The following HCRTR2 variants were observed in gnomAD, a reference collection of about 807,000 sequenced individuals.
HCRTR2 encodes hypocretin receptor 2, also known as orexin receptor type 2.
HCRTR2 carries 22 observed loss-of-function variants against 49.0 expected under a neutral mutation model. That is an observed-to-expected ratio of 0.45 (90% CI 0.32 to 0.64). The LOEUF (loss-of-function observed/expected upper bound fraction) is 0.64. Among genes scored for constraint, HCRTR2 ranks in the 30% least tolerant of loss-of-function variants. The probability of loss-of-function intolerance (pLI) is 0.04; values close to 1 mark genes in which losing one functional copy is unlikely to be tolerated. For synonymous variants in HCRTR2, 236 were observed against 205.3 expected, an observed-to-expected ratio of 1.15 and a Z score of -1.28; for missense variants, 491 against 559.4, an observed-to-expected ratio of 0.88 and a Z score of 1.23.
chr6:55,167,978 T>G (rs2127265826), intron 1 of HCRTR2, among the ~76,000 whole-genome samples: 1 of 152,306 alleles, frequency 6.6e-6, no homozygotes, highest in Admixed American at 6.5e-5. Flanking sequence ...TCCAGGAATT[T>G]CCTTGGTGTT....
Position 55,157,618 on chromosome 6 carries a change from GCCCAAGGGTGGTAA to G in HCRTR2, c.-377-16590_-377-16577del, listed in dbSNP as rs374139971. Reference sequence around the variant, plus strand: ...TTGGCTTCTAGTTTGACCCAGCACAGCCCAAGGGTGGTAACCACATGGGTGCTTGTGTCACCCCT... The same window carrying G: ...TTGGCTTCTAGTTTGACCCAGCACAGCCACATGGGTGCTTGTGTCACCCCT... On this transcript the variant is annotated intron_variant, in intron 1 of 7. Transcript: ENST00000615358. Among the ~76,000 whole-genome samples, 733 of 152,308 alleles carry G rather than the reference GCCCAAGGGTGGTAA, an allele frequency of 4.8e-3. 7 individuals carry two copies. Among genetic ancestry groups the G allele is most frequent in the African/African-American group, 0.016 (685 of 41,578 alleles).
intron 1 of HCRTR2, among the ~76,000 whole-genome samples, chr6:55,129,843 T>G (rs1010311364): frequency 5.9e-5 from 9 of 152,008 alleles, no homozygotes; most frequent in African/African-American, 2.2e-4. Context: ...AAGATGACAT[T>G]CAAATTTCTA....
downstream of HCRTR2, among the ~76,000 whole-genome samples, chr6:55,283,349 C>A (rs78731603): frequency 9.6e-3 from 1,465 of 152,084 alleles, 28 homozygotes; most frequent in African/African-American, 0.032. Context: ...ATCTGGGGGA[C>A]AATTCTTGGT....
chr6:55,168,728 G>C (rs914545200), intron 1 of HCRTR2, among the ~76,000 whole-genome samples: 2 of 145,842 alleles, frequency 1.4e-5, no homozygotes, highest in African/African-American at 2.5e-5. Context: ...ACCATGCCTG[G>C]GTAATTTTTT....
At chr6:55,282,116 C>T in intron 6 of HCRTR2, 109 bp from the exon 7 acceptor site, 1 of 764,726 alleles carries the variant, frequency 1.3e-6, no homozygotes, top group South Asian at 1.5e-5. Flanking sequence ...CAAAATATTA[C>T]ACCTCATTGT....
intron 4 of HCRTR2, among the ~76,000 whole-genome samples, chr6:55,271,955 G>A (rs1466059611): frequency 6.6e-6 from 1 of 152,058 alleles, no homozygotes; most frequent in Non-Finnish European, 1.5e-5. Flanking sequence ...AAACAGTTTG[G>A]TAGTTCCTTA....
intron 1 of HCRTR2, among the ~76,000 whole-genome samples, chr6:55,216,607 C>CT: frequency 6.6e-6 from 1 of 151,860 alleles, no homozygotes; most frequent in Non-Finnish European, 1.5e-5. Flanking sequence ...AAAGAATACT[C>CT]TTTTTTGGGT....
chr6:55,119,942 T>G (rs1764172726), intron 1 of HCRTR2, among the ~76,000 whole-genome samples: 1 of 152,124 alleles, frequency 6.6e-6, no homozygotes, highest in Non-Finnish European at 1.5e-5. Context: ...TGAGTTGATT[T>G]TTGTATAAGG....
intron 1 of HCRTR2, among the ~76,000 whole-genome samples, chr6:55,158,743 A>T (rs1418905756): frequency 6.6e-5 from 10 of 152,186 alleles, no homozygotes; most frequent in Admixed American, 6.5e-5. Context: ...TATAGCCAGA[A>T]TGCCTCTCTA....
chr6:55,212,794 A>C (rs1765719754), intron 1 of HCRTR2, among the ~76,000 whole-genome samples: 6 of 152,208 alleles, frequency 3.9e-5, no homozygotes. Flanking sequence ...TTTGTAAACA[A>C]ACATATCATA....
intron 1 of HCRTR2, among the ~76,000 whole-genome samples, chr6:55,201,369 C>A (rs1291451275): frequency 6.6e-6 from 1 of 152,000 alleles, no homozygotes; most frequent in Non-Finnish European, 1.5e-5. Context: ...TTAAGTCATG[C>A]TCATGATTCT....
At chr6:55,160,537 T>A (rs910057363) in intron 1 of HCRTR2, among the ~76,000 whole-genome samples, 4 of 152,202 alleles carry the variant, frequency 2.6e-5, no homozygotes, top group Admixed American at 6.5e-5. Flanking sequence ...AGACACAGAC[T>A]GGCAAATTGG....
At chr6:55,210,570 C>T (rs1008768148) in intron 1 of HCRTR2, among the ~76,000 whole-genome samples, 2 of 152,040 alleles carry the variant, frequency 1.3e-5, no homozygotes, top group African/African-American at 4.8e-5. Context: ...GAAACCCAGT[C>T]CACAGGGAGA....
chr6:55,260,679 T>C (rs1001108856), intron 3 of HCRTR2, among the ~76,000 whole-genome samples: 4 of 152,102 alleles, frequency 2.6e-5, no homozygotes, highest in African/African-American at 9.7e-5. Flanking sequence ...AGCATGAATA[T>C]GGAGAAAATT....
At chr6:55,283,053 T>C (rs1330527704), downstream of HCRTR2, among the ~76,000 whole-genome samples, 2 of 152,226 alleles carry the variant, frequency 1.3e-5, no homozygotes, top group Non-Finnish European at 2.9e-5. Context: ...TGACCATTGC[T>C]AACATTTCTT....
At chr6:55,205,153 G>A (rs1357938398) in intron 1 of HCRTR2, among the ~76,000 whole-genome samples, 1 of 152,172 alleles carries the variant, frequency 6.6e-6, no homozygotes, top group Non-Finnish European at 1.5e-5. Flanking sequence ...TAGAATATAT[G>A]AGAATGGAGT....
At chr6:55,227,769 A>G (rs982555471) in intron 1 of HCRTR2, among the ~76,000 whole-genome samples, 23 of 152,200 alleles carry the variant, frequency 1.5e-4, no homozygotes, top group African/African-American at 5.5e-4. Context: ...GGAAGAGTCA[A>G]TTTCTACTGT....
chr6:55,176,627 A>G (rs1026900491), intron 1 of HCRTR2, among the ~76,000 whole-genome samples: 2 of 152,226 alleles, frequency 1.3e-5, no homozygotes, highest in African/African-American at 4.8e-5. Flanking sequence ...CAGAAGAAGA[A>G]ACAAGACTTA....
chr6:55,111,179 A>C (rs111480958), intron 1 of HCRTR2, among the ~76,000 whole-genome samples: 4 of 152,158 alleles, frequency 2.6e-5, no homozygotes, highest in African/African-American at 9.6e-5. Context: ...TGGTGCTAAG[A>C]TGAAAGTTCA....
Sources: gnomAD v4.1 joint callset for allele counts (sites outside exome capture counted in the v4.1 genomes callset) on GRCh38, gnomAD v4.1.1 for gene constraint, MANE v1.5 for transcripts, NCBI Gene and HGNC (gene_info 2026-07-23, HGNC 2026-07-21) for gene names.